The following MLPH variants were observed in gnomAD, a reference collection of about 807,000 sequenced individuals.
MLPH encodes the protein exophilin-3.
A neutral mutation model predicts 72.1 loss-of-function variants in MLPH; 51 were observed. The observed-to-expected ratio is 0.71, with a 90% CI of 0.56 to 0.89. The LOEUF (loss-of-function observed/expected upper bound fraction) is 0.89. MLPH is among the 40% of genes least tolerant of loss of function. The pLI is 0.00. For synonymous variants in MLPH, 301 were observed against 310.1 expected, an observed-to-expected ratio of 0.97 and a Z score of 0.31; for missense variants, 743 against 759.9, an observed-to-expected ratio of 0.98 and a Z score of 0.26.
intron 14 of MLPH, among the ~76,000 whole-genome samples, chr2:237,551,266 G>A (rs1005493446): frequency 6.6e-6 from 1 of 152,250 alleles, no homozygotes; most frequent in Non-Finnish European, 1.5e-5. Flanking sequence ...AGGGCCGGCA[G>A]GCCAGGCCAC....
chr2:237,547,062 A>G (rs2080935759), intron 13 of MLPH, among the ~76,000 whole-genome samples: 1 of 152,248 alleles, frequency 6.6e-6, no homozygotes, highest in Non-Finnish European at 1.5e-5. Flanking sequence ...AATTCCGCGT[A>G]GGAGCAAGGC....
chr2:237,540,810 G>A lies in MLPH; in HGVS notation c.1299G>A (p.Thr433=), dbSNP rs140569108. 2.0e-5 allele frequency: 33 copies of A among 1,612,990 alleles called. No homozygotes were observed. In the Admixed American group the frequency reaches 2.5e-4, roughly 12 times the overall value. Residue 433 remains threonine, a synonymous_variant, in exon 11 of 16, where the codon ACG becomes ACA. Coordinates refer to ENST00000264605, the MANE Select transcript of MLPH (RefSeq NM_024101.7). ...PLPQADPEVG[T]AAHQTNRQEK... is the part of the protein sequence containing the mutation. ...GTCCTTCTCTTTCCTAGGTGGGCAC[G>A]GCTGCCCATCAAACCAACAGACAGG...
In MLPH at chr2:237,500,425, A is replaced by G. The variant is rs148879376; in HGVS notation, c.110+6889A>G. Among the ~76,000 whole-genome samples, 443 of 152,356 alleles carry G rather than the reference A, an allele frequency of 2.9e-3. 1 individual carries two copies. The highest frequency in any genetic ancestry group is 0.01 in the African/African-American group (429 of 41,586). On this transcript the variant is annotated intron_variant, in intron 2 of 15. Coordinates refer to ENST00000264605, the MANE Select transcript of MLPH (RefSeq NM_024101.7). Reference sequence around the variant, plus strand: ...GAGCACCAGAAGTGTGGCTAATGCAACTGGGGAAAAAAAGTTTTAATCGTA... The same window carrying G: ...GAGCACCAGAAGTGTGGCTAATGCAGCTGGGGAAAAAAAGTTTTAATCGTA...
At chr2:237,509,617 A>G (rs1029763964) in intron 2 of MLPH, among the ~76,000 whole-genome samples, 1 of 152,178 alleles carries the variant, frequency 6.6e-6, no homozygotes, top group Non-Finnish European at 1.5e-5. Flanking sequence ...AGATTCCTAC[A>G]ACTGCTTGAC....
At chr2:237,490,168 C>T (rs1418963039) in intron 1 of MLPH, among the ~76,000 whole-genome samples, 1 of 152,138 alleles carries the variant, frequency 6.6e-6, no homozygotes, top group African/African-American at 2.4e-5. Context: ...TGGGAGCCCC[C>T]ACCCCACCCA....
chr2:237,502,315 C>CT (rs111245074), intron 2 of MLPH, among the ~76,000 whole-genome samples: 4,639 of 152,274 alleles, frequency 0.03, 215 homozygotes, highest in African/African-American at 0.1. Context: ...ATAGTCACAG[C>CT]TTTTAACTCC....
At chr2:237,526,586 T>G (rs1316502891) in intron 7 of MLPH, among the ~76,000 whole-genome samples, 1 of 152,150 alleles carries the variant, frequency 6.6e-6, no homozygotes, top group African/African-American at 2.4e-5. Flanking sequence ...GAGAGCAGTT[T>G]TATTTCCTCT....
At chr2:237,544,452 G>GGGGGACAGTGGTGAAT in intron 12 of MLPH, among the ~76,000 whole-genome samples, 1 of 53,994 alleles carries the variant, frequency 1.9e-5, no homozygotes, top group Admixed American at 1.8e-4. Flanking sequence ...GTAGTGAGTG[G>GGGGGACAGTGGTGAAT]GGGGACAGTA....
At chr2:237,514,272 G>GT (rs906120109) in intron 4 of MLPH, among the ~76,000 whole-genome samples, 29 of 150,898 alleles carry the variant, frequency 1.9e-4, no homozygotes, top group Admixed American at 6.6e-4. Flanking sequence ...TATTTTTAAT[G>GT]TTTTTTTTTA....
Position 237,533,734 on chromosome 2 carries a change from G to A in MLPH, c.1021-830G>A, listed in dbSNP as rs116015257. On this transcript the variant is annotated intron_variant, in intron 8 of 15. Coordinates refer to ENST00000264605, the MANE Select transcript of MLPH (RefSeq NM_024101.7). Reference sequence around the variant, plus strand: ...CTCTGCTTCTGCAGATGCTCAACGGGACCAGAGGGTGACTCAGTTACTAGT... The same window carrying A: ...CTCTGCTTCTGCAGATGCTCAACGGAACCAGAGGGTGACTCAGTTACTAGT... Among the ~76,000 whole-genome samples, 622 of 152,328 alleles carry A rather than the reference G, an allele frequency of 4.1e-3. 6 individuals carry two copies. Among genetic ancestry groups the A allele is most frequent in the Non-Finnish European group, 5.1e-3 (347 of 68,012 alleles).
intron 4 of MLPH, among the ~76,000 whole-genome samples, chr2:237,515,322 C>T (rs2079991514): frequency 6.6e-6 from 1 of 152,160 alleles, no homozygotes; most frequent in Admixed American, 6.5e-5. Flanking sequence ...TCGCCAGGTG[C>T]CGGGTCCTGG....
chr2:237,508,152 C>T (rs1444952457), intron 2 of MLPH, among the ~76,000 whole-genome samples: 1 of 152,136 alleles, frequency 6.6e-6, no homozygotes, highest in African/African-American at 2.4e-5. Context: ...CACTCTGTCA[C>T]CCACGCTGGA....
At chr2:237,500,060 T>A (rs932394077) in intron 2 of MLPH, among the ~76,000 whole-genome samples, 13 of 152,106 alleles carry the variant, frequency 8.5e-5, no homozygotes, top group Non-Finnish European at 1.5e-4. Flanking sequence ...TTTACTTTTT[T>A]AAAAAAATAC....
intron 7 of MLPH, 150 bp from the exon 8 acceptor site, chr2:237,527,227 C>G (rs2080322754): frequency 2.1e-6 from 2 of 942,404 alleles, no homozygotes; most frequent in Non-Finnish European, 3.4e-6. Flanking sequence ...CTGCCCCATT[C>G]TTATTGTGAC....
intron 8 of MLPH, among the ~76,000 whole-genome samples, chr2:237,533,738 A>G (rs1479232568): frequency 1.3e-5 from 2 of 152,248 alleles, no homozygotes; most frequent in Non-Finnish European, 2.9e-5. Flanking sequence ...CAACGGGACC[A>G]GAGGGTGACT....
At chr2:237,499,124 G>A (rs1574836392) in intron 2 of MLPH, among the ~76,000 whole-genome samples, 3 of 152,078 alleles carry the variant, frequency 2.0e-5, no homozygotes, top group African/African-American at 2.4e-5. Context: ...CTTTTAAATG[G>A]TCAAAGAACA....
chr2:237,535,704 T>C (rs1367225661), intron 9 of MLPH, among the ~76,000 whole-genome samples: 1 of 152,178 alleles, frequency 6.6e-6, no homozygotes, highest in South Asian at 2.1e-4. Flanking sequence ...ACAGACTCCA[T>C]AGGAATGGGG....
At chr2:237,520,528 C>A (rs1439385322) in intron 6 of MLPH, among the ~76,000 whole-genome samples, 1 of 152,204 alleles carries the variant, frequency 6.6e-6, no homozygotes, top group Non-Finnish European at 1.5e-5. Flanking sequence ...GCGCAGGGGC[C>A]ATCCAGGTGA....
chr2:237,525,100 C>T (rs552086960), intron 6 of MLPH, among the ~76,000 whole-genome samples: 9 of 152,238 alleles, frequency 5.9e-5, no homozygotes, highest in Non-Finnish European at 1.3e-4. Context: ...GGGACAATGA[C>T]ATAACACAGA....
Sources: gnomAD v4.1 joint callset for allele counts (sites outside exome capture counted in the v4.1 genomes callset) on GRCh38, gnomAD v4.1.1 for gene constraint, MANE v1.5 for transcripts, NCBI Gene and HGNC (gene_info 2026-07-23, HGNC 2026-07-21) for gene names.